Variants in LAMA1 observed in about 807,000 individuals in gnomAD.
The protein encoded by LAMA1 is laminin subunit alpha-1.
Under a neutral mutation model 348.7 loss-of-function variants are expected in LAMA1, and 219 were observed. The observed-to-expected ratio is 0.63, with a 90% CI of 0.56 to 0.70. LAMA1 has a LOEUF of 0.70. LAMA1 is among the 30% of genes least tolerant of loss of function. The pLI is 0.00. For missense variants in LAMA1, 3,744 were observed against 3,888.0 expected (o/e 0.96, Z 0.99); for synonymous variants, 1,487 against 1,491.0 (o/e 1.00, Z 0.06).
chr18:7,059,751 C>A (rs1422457292), intron 3 of LAMA1, among the ~76,000 whole-genome samples: 1 of 152,174 alleles, frequency 6.6e-6, no homozygotes, highest in Non-Finnish European at 1.5e-5. Flanking sequence ...AAAGAACCTA[C>A]CTGCCTCCAC....
chr18:7,089,867 G>C (rs1391782066), intron 1 of LAMA1, among the ~76,000 whole-genome samples: 2 of 152,140 alleles, frequency 1.3e-5, no homozygotes, highest in African/African-American at 4.8e-5. Flanking sequence ...GTTCAGGGGG[G>C]CTGTTTACAA....
Position 7,000,087 on chromosome 18 carries a change from T to C in LAMA1, c.4383-90A>G, listed in dbSNP as rs374318826. 4.9e-4 allele frequency: 453 copies of C among 919,270 alleles called. 3 individuals are homozygous for C. In the South Asian group the frequency reaches 6.1e-3, roughly 12 times the overall value. The allele number at this position is 919,270 out of a possible 1,614,324, so 56.9% of individuals were successfully genotyped here. On this transcript the variant is annotated intron_variant, in intron 30 of 62. Coordinates refer to ENST00000389658, the MANE Select transcript of LAMA1 (RefSeq NM_005559.4). ...TATTCATTACTCTTAGGATACACCA[T>C]ACTGGTCTCAAAGTTATGTGATTAC... is the stretch of plus-strand genomic sequence containing the variant.
chr18:7,090,404 AT>A (rs977755725), intron 1 of LAMA1, among the ~76,000 whole-genome samples: 10 of 151,022 alleles, frequency 6.6e-5, no homozygotes, highest in South Asian at 2.1e-4. Flanking sequence ...ACCTGGGAGT[AT>A]TTTTTTTTAA....
intron 1 of LAMA1, among the ~76,000 whole-genome samples, chr18:7,102,578 G>A (rs1336735386): frequency 1.3e-5 from 2 of 152,158 alleles, no homozygotes; most frequent in Non-Finnish European, 1.5e-5. Flanking sequence ...TTCTGTTGAC[G>A]ATGATACTAT....
intron 29 of LAMA1, among the ~76,000 whole-genome samples, chr18:7,003,412 G>A (rs116034183): frequency 0.011 from 1,722 of 151,970 alleles, 31 homozygotes; most frequent in African/African-American, 0.039. Context: ...CACCACAACC[G>A]GCTAATTTTA....
intron 30 of LAMA1, among the ~76,000 whole-genome samples, chr18:7,001,926 G>A (rs1378827802): frequency 6.6e-6 from 1 of 152,086 alleles, no homozygotes; most frequent in Non-Finnish European, 1.5e-5. Flanking sequence ...TGGTAATTGG[G>A]TTCTTTTGTA....
chr18:6,953,117 A>G (rs932536347), intron 57 of LAMA1, among the ~76,000 whole-genome samples: 2 of 148,180 alleles, frequency 1.3e-5, no homozygotes, highest in Non-Finnish European at 3.0e-5. Context: ...CATAGGAGCC[A>G]TGTCTGCCTG....
chr18:7,026,858 T>A (rs28547039), intron 16 of LAMA1, among the ~76,000 whole-genome samples: 6,685 of 151,912 alleles, frequency 0.044, 428 homozygotes, highest in African/African-American at 0.14. Flanking sequence ...TTAGCTGGGC[T>A]TGGTGGCGGG....
intron 32 of LAMA1, 88 bp from the exon 33 acceptor site, chr18:6,997,972 G>T: frequency 1.7e-6 from 2 of 1,192,702 alleles, no homozygotes; most frequent in Non-Finnish European, 2.5e-6. Flanking sequence ...GTTGTTTTGT[G>T]AAAATGACAC....
Position 7,032,927 on chromosome 18 carries a change from ACT to A in LAMA1, c.2163+55_2163+56del. ...TTTGCCATGACATCCCCTTCAGTGCACTGTTTTCCCCTTAGGAAGGAACGAAA... is the reference window on the plus strand; with the variant it reads ...TTTGCCATGACATCCCCTTCAGTGCAGTTTTCCCCTTAGGAAGGAACGAAA... On this transcript the variant is annotated intron_variant, in intron 15 of 62. Transcript: ENST00000389658. The A allele has an allele frequency of 2.3e-6, 3 of 1,287,332 alleles. No homozygotes were observed. In the South Asian group the frequency reaches 3.8e-5, roughly 16 times the overall value. The allele number at this position is 1,287,332 out of a possible 1,614,324, so 79.7% of individuals were successfully genotyped here.
At chr18:7,000,527 T>G (rs531699883) in intron 30 of LAMA1, among the ~76,000 whole-genome samples, 1 of 152,366 alleles carries the variant, frequency 6.6e-6, no homozygotes, top group East Asian at 1.9e-4. Flanking sequence ...CAGGGAGTTA[T>G]GTGGTAGGCT....
chr18:6,963,062 A>ATTT (rs146895709), intron 51 of LAMA1, among the ~76,000 whole-genome samples: 8 of 144,286 alleles, frequency 5.5e-5, no homozygotes, highest in Non-Finnish European at 1.1e-4. Flanking sequence ...GCCACACCTC[A>ATTT]TTTTTTTTTT....
chr18:6,987,796 G>A (rs748675399), intron 36 of LAMA1, among the ~76,000 whole-genome samples: 1 of 152,110 alleles, frequency 6.6e-6, no homozygotes, highest in Non-Finnish European at 1.5e-5. Context: ...AATTTTTAAT[G>A]ATATAATTTT....
chr18:6,961,067 AC>A (rs1191271529), intron 53 of LAMA1, among the ~76,000 whole-genome samples: 2 of 152,200 alleles, frequency 1.3e-5, no homozygotes, highest in Admixed American at 6.5e-5. Context: ...GGGAAATATC[AC>A]CTATGCTCTT....
chr18:6,957,971 G>A (rs8099108), intron 55 of LAMA1, among the ~76,000 whole-genome samples: 3,018 of 152,048 alleles, frequency 0.02, 100 homozygotes, highest in African/African-American at 0.069. Flanking sequence ...TAGTAGAGAC[G>A]GGGTTTCACT....
intron 36 of LAMA1, among the ~76,000 whole-genome samples, chr18:6,988,667 C>T (rs1315652564): frequency 6.6e-6 from 1 of 151,918 alleles, no homozygotes; most frequent in African/African-American, 2.4e-5. Flanking sequence ...ATTAGCCGGG[C>T]ATGATGGTAG....
chr18:6,956,023 G>T, intron 56 of LAMA1: 1 of 294,618 alleles, frequency 3.4e-6, no homozygotes. Flanking sequence ...AGTCATGGGG[G>T]TCCCAGATGC....
At chr18:6,978,891 T>C (rs963098077) in intron 42 of LAMA1, among the ~76,000 whole-genome samples, 4 of 152,172 alleles carry the variant, frequency 2.6e-5, no homozygotes, top group African/African-American at 9.7e-5. Flanking sequence ...TATTTGCCCA[T>C]AGCATCAACT....
intron 57 of LAMA1, chr18:6,953,628 G>T (rs1426370662): frequency 6.6e-6 from 1 of 152,194 alleles, no homozygotes; most frequent in East Asian, 1.9e-4. Context: ...GTGTGACTTT[G>T]AGCAGATGCC....
Sources: allele counts gnomAD v4.1 joint callset (sites outside exome capture counted in the v4.1 genomes callset), GRCh38; gene constraint gnomAD v4.1.1; transcripts MANE v1.5; gene names NCBI Gene and HGNC (gene_info 2026-07-23, HGNC 2026-07-21).